The following PDE1C variants were observed in gnomAD, a reference collection of about 807,000 sequenced individuals.
The protein encoded by PDE1C is phosphodiesterase 1C, also known as dual specificity calcium/calmodulin-dependent 3',5'-cyclic nucleotide phosphodiesterase 1C.
PDE1C carries 62 observed loss-of-function variants against 93.1 expected under a neutral mutation model. That is an observed-to-expected ratio of 0.67 (90% CI 0.54 to 0.82). The LOEUF is 0.82. PDE1C is among the 40% of genes least tolerant of loss of function. The pLI is 0.00. For synonymous variants in PDE1C, 325 were observed against 310.1 expected (o/e 1.05, Z -0.50); for missense variants, 742 against 884.6 (o/e 0.84, Z 2.04).
At chr7:31,900,232 TTC>T (rs1247893372) in intron 2 of PDE1C, among the ~76,000 whole-genome samples, 5 of 152,196 alleles carry the variant, frequency 3.3e-5, no homozygotes, top group Admixed American at 1.3e-4. Flanking sequence ...TTATTTCATA[TTC>T]TCTCTCATCA....
chr7:31,692,931 A>G, the PDE1C span, among the ~76,000 whole-genome samples: 4 of 152,222 alleles, frequency 2.6e-5, no homozygotes, highest in Non-Finnish European at 4.4e-5. Flanking sequence ...TTTGCCTATC[A>G]AGACAGAATT....
intron 1 of PDE1C, among the ~76,000 whole-genome samples, chr7:32,264,598 C>G (rs1032501949): frequency 4.6e-5 from 7 of 152,230 alleles, no homozygotes; most frequent in African/African-American, 1.4e-4. Context: ...AGACATCATG[C>G]AGGAATACTC....
Position 32,132,854 on chromosome 7 carries a change from G to A in PDE1C, c.308+36931C>T, listed in dbSNP as rs78366951. On this transcript the variant is annotated intron_variant, in intron 3 of 18. Coordinates refer to the PDE1C transcript ENST00000396193. ...ACTGAAGATATATTTTAGAAGTACG[G>A]CTAGTGAGAACTTGGTATTAGACTA... Among the ~76,000 whole-genome samples, 606 of 152,158 alleles carry A rather than the reference G, an allele frequency of 4.0e-3. 15 individuals carry two copies. Among genetic ancestry groups the A allele is most frequent in the East Asian group, 0.019 (100 of 5,166 alleles).
intron 2 of PDE1C, among the ~76,000 whole-genome samples, chr7:31,939,959 T>C (rs1187379881): frequency 6.6e-6 from 1 of 152,054 alleles, no homozygotes; most frequent in East Asian, 1.9e-4. Context: ...CAGAGAGATG[T>C]GCAGTGCAGA....
chr7:31,877,124 G>T (rs760860813), intron 5 of PDE1C, among the ~76,000 whole-genome samples: 3 of 152,132 alleles, frequency 2.0e-5, no homozygotes, highest in Admixed American at 1.3e-4. Context: ...TAAGCACATG[G>T]CCCAAGTCCA....
chr7:31,622,394 C>T, the PDE1C span, among the ~76,000 whole-genome samples: 770 of 151,964 alleles, frequency 5.1e-3, 6 homozygotes, highest in African/African-American at 0.018. Flanking sequence ...GAACAGAAAT[C>T]ATAACAAACT....
intron 3 of PDE1C, among the ~76,000 whole-genome samples, chr7:32,149,031 A>C (rs1324905873): frequency 6.6e-6 from 1 of 152,228 alleles, no homozygotes; most frequent in Non-Finnish European, 1.5e-5. Context: ...CCAGATGTTG[A>C]ACCTAGATTT....
chr7:31,912,626 G>A (rs981759650), intron 2 of PDE1C, among the ~76,000 whole-genome samples: 3 of 152,094 alleles, frequency 2.0e-5, no homozygotes, highest in African/African-American at 7.2e-5. Flanking sequence ...GGTTGACGCT[G>A]CAGTGAGCTA....
At chr7:32,111,606 T>A (rs1798644125) in intron 3 of PDE1C, among the ~76,000 whole-genome samples, 1 of 152,098 alleles carries the variant, frequency 6.6e-6, no homozygotes, top group Admixed American at 6.6e-5. Flanking sequence ...TCAATGTCTG[T>A]TGGGGAAACT....
At chr7:31,888,216 C>T (rs866563646) in intron 2 of PDE1C, among the ~76,000 whole-genome samples, 2 of 132,522 alleles carry the variant, frequency 1.5e-5, no homozygotes, top group Middle Eastern at 4.9e-3. Flanking sequence ...TGCCACTGCA[C>T]TCCAGCCTGG....
intron 16 of PDE1C, chr7:31,789,866 G>A: frequency 1.9e-6 from 2 of 1,034,056 alleles, no homozygotes; most frequent in Non-Finnish European, 2.3e-6. Flanking sequence ...CTTTTTTCAG[G>A]CCTCTCCCAG....
At chr7:32,208,676 G>T (rs1029901257) in intron 2 of PDE1C, among the ~76,000 whole-genome samples, 3 of 152,092 alleles carry the variant, frequency 2.0e-5, no homozygotes, top group African/African-American at 7.2e-5. Flanking sequence ...GGTTTGGGGA[G>T]CGTCTCCACT....
chr7:31,849,406 T>C (rs1793049008), intron 8 of PDE1C, among the ~76,000 whole-genome samples: 1 of 152,242 alleles, frequency 6.6e-6, no homozygotes, highest in South Asian at 2.1e-4. Context: ...TTCTGTTCCC[T>C]TGGAACACAA....
intron 17 of PDE1C, among the ~76,000 whole-genome samples, chr7:31,760,953 A>G (rs1794796449): frequency 6.6e-6 from 1 of 152,216 alleles, no homozygotes; most frequent in Non-Finnish European, 1.5e-5. Flanking sequence ...AAAACCATCC[A>G]GGAGTTTTGA....
chr7:32,303,173 T>C (rs1236517478), upstream of PDE1C, among the ~76,000 whole-genome samples: 2 of 152,132 alleles, frequency 1.3e-5, no homozygotes, highest in Non-Finnish European at 2.9e-5. Context: ...TCCTCCCAAA[T>C]TCCATAAGAT....
chr7:31,619,688 C>G, the PDE1C span, among the ~76,000 whole-genome samples: 4 of 152,060 alleles, frequency 2.6e-5, no homozygotes, highest in Admixed American at 6.5e-5. Context: ...ACGCAGAAGA[C>G]GGGTGATTTC....
chr7:31,682,867 A>G, the PDE1C span, among the ~76,000 whole-genome samples: 1 of 152,234 alleles, frequency 6.6e-6, no homozygotes. Context: ...TGAAAAAACA[A>G]TAACAATGGT....
chr7:32,008,781 T>C (rs1786632830), intron 2 of PDE1C, among the ~76,000 whole-genome samples: 1 of 152,232 alleles, frequency 6.6e-6, no homozygotes, highest in Admixed American at 6.5e-5. Flanking sequence ...TGCTTTGCCA[T>C]GTTTCAGCAT....
chr7:32,331,506 G>A (rs574397161), intron 1 of PDE1C, among the ~76,000 whole-genome samples: 2 of 152,276 alleles, frequency 1.3e-5, no homozygotes, highest in African/African-American at 2.4e-5. Context: ...ACTTTGAGTA[G>A]GGGTTCCAAA....
Sources: gnomAD v4.1 joint callset for allele counts (sites outside exome capture counted in the v4.1 genomes callset) on GRCh38, gnomAD v4.1.1 for gene constraint, MANE v1.5 for transcripts, NCBI Gene and HGNC (gene_info 2026-07-23, HGNC 2026-07-21) for gene names.